Variants in MACROD2 observed in about 807,000 individuals in gnomAD.
MACROD2 encodes mono-ADP ribosylhydrolase 2.
In MACROD2, 36 loss-of-function variants were observed where a neutral mutation model predicts 70.4. The ratio of observed to expected loss-of-function variants is 0.51; its 90% CI spans 0.39 to 0.68. MACROD2 has a LOEUF of 0.68. Ranked by LOEUF, MACROD2 falls within the 30% of genes least tolerant of loss-of-function variation. The pLI is 0.00. For synonymous variants in MACROD2, 172 were observed against 178.8 expected, an observed-to-expected ratio of 0.96 and a Z score of 0.30; for missense variants, 496 against 538.4, an observed-to-expected ratio of 0.92 and a Z score of 0.78.
chr20:14,009,090 A>G (rs1314693724), intron 2 of MACROD2, among the ~76,000 whole-genome samples: 3 of 152,226 alleles, frequency 2.0e-5, no homozygotes, highest in Non-Finnish European at 4.4e-5. Context: ...GCCAAAAACA[A>G]TTGCAACAAA....
intron 3 of MACROD2, among the ~76,000 whole-genome samples, chr20:14,317,400 A>T (rs553932959): frequency 1.3e-4 from 20 of 152,198 alleles, no homozygotes; most frequent in Admixed American, 1.1e-3. Flanking sequence ...CGGGTGGATC[A>T]CGAGGTCAAG....
chr20:14,583,699 T>C (rs1981191072), intron 4 of MACROD2, among the ~76,000 whole-genome samples: 1 of 152,172 alleles, frequency 6.6e-6, no homozygotes, highest in South Asian at 2.1e-4. Flanking sequence ...GTTGAAAGGA[T>C]TAGATATAAT....
At chr20:14,057,866 C>T (rs1198536053) in intron 2 of MACROD2, among the ~76,000 whole-genome samples, 3 of 152,060 alleles carry the variant, frequency 2.0e-5, no homozygotes, top group South Asian at 2.1e-4. Context: ...ATTGCGGCCC[C>T]GTGCAACAAC....
intron 5 of MACROD2, among the ~76,000 whole-genome samples, chr20:15,126,356 G>GT (rs1400542104): frequency 1.3e-5 from 2 of 151,848 alleles, no homozygotes; most frequent in African/African-American, 4.8e-5. Context: ...AACACTTGTA[G>GT]TTTTTGCTTG....
intron 8 of MACROD2, among the ~76,000 whole-genome samples, chr20:15,513,684 G>T (rs748525092): frequency 1.1e-4 from 17 of 152,124 alleles, no homozygotes; most frequent in Admixed American, 3.3e-4. Context: ...CTCATTTTGA[G>T]GATTTAAAAT....
chr20:15,195,541 A>G (rs756217928), intron 5 of MACROD2, among the ~76,000 whole-genome samples: 3 of 152,052 alleles, frequency 2.0e-5, no homozygotes, highest in African/African-American at 7.3e-5. Flanking sequence ...ATACCATCTG[A>G]TGCCAGTCAG....
At chr20:15,733,937 TG>T (rs1459068146) in intron 8 of MACROD2, among the ~76,000 whole-genome samples, 2 of 152,132 alleles carry the variant, frequency 1.3e-5, no homozygotes, top group Non-Finnish European at 2.9e-5. Flanking sequence ...ACAATTTTTA[TG>T]GAGAGTTGTG....
At chr20:15,639,278 G>A (rs2049417115) in intron 8 of MACROD2, among the ~76,000 whole-genome samples, 1 of 152,198 alleles carries the variant, frequency 6.6e-6, no homozygotes, top group South Asian at 2.1e-4. Flanking sequence ...AAATGAAATG[G>A]TAGGGAGGGT....
chr20:14,873,549 A>G (rs1187022337), intron 5 of MACROD2, among the ~76,000 whole-genome samples: 1 of 152,132 alleles, frequency 6.6e-6, no homozygotes, highest in Non-Finnish European at 1.5e-5. Flanking sequence ...TAAACATGTA[A>G]ATAAATCAGT....
chr20:14,618,660 G>A (rs1053195815), intron 4 of MACROD2, among the ~76,000 whole-genome samples: 1 of 152,058 alleles, frequency 6.6e-6, no homozygotes, highest in Non-Finnish European at 1.5e-5. Context: ...TTCAGCGTGG[G>A]GTGCTGAAGA....
intron 3 of MACROD2, among the ~76,000 whole-genome samples, chr20:14,485,743 G>A (rs969687200): frequency 2.0e-5 from 3 of 150,604 alleles, no homozygotes; most frequent in African/African-American, 7.3e-5. Context: ...GAAAAGTATG[G>A]AAGGGAATGG....
chr20:15,372,619 A>G (rs898290722), intron 6 of MACROD2, among the ~76,000 whole-genome samples: 2 of 152,202 alleles, frequency 1.3e-5, no homozygotes, highest in Non-Finnish European at 2.9e-5. Flanking sequence ...ATGTGTTGCC[A>G]AAATACATTT....
At chr20:14,159,056 G>A (rs939083629) in intron 3 of MACROD2, among the ~76,000 whole-genome samples, 2 of 152,144 alleles carry the variant, frequency 1.3e-5, no homozygotes, top group South Asian at 2.1e-4. Context: ...GACCAACATA[G>A]TGAAACTCCA....
intron 8 of MACROD2, among the ~76,000 whole-genome samples, chr20:15,634,946 C>T (rs2049341959): frequency 6.6e-6 from 1 of 152,236 alleles, no homozygotes; most frequent in Non-Finnish European, 1.5e-5. Context: ...TGAGTATTTT[C>T]AGGTGTCTGT....
At chr20:14,345,988 G>T (rs2083059631) in intron 3 of MACROD2, among the ~76,000 whole-genome samples, 2 of 149,780 alleles carry the variant, frequency 1.3e-5, no homozygotes, top group African/African-American at 2.4e-5. Flanking sequence ...CAGCTACTTG[G>T]GAGGCTGAGG....
chr20:15,154,739 G>A (rs143483135), intron 5 of MACROD2, among the ~76,000 whole-genome samples: 2 of 152,192 alleles, frequency 1.3e-5, no homozygotes, highest in African/African-American at 4.8e-5. Context: ...CTCAGGGCTC[G>A]ATCACTTCCC....
rs111646972 is a variant in MACROD2, at chr20:16,033,316, C to A, written c.1154-7885C>A. Among the ~76,000 whole-genome samples, 538 of 152,112 alleles carry A rather than the reference C, an allele frequency of 3.5e-3. 6 individuals are homozygous for A. Among genetic ancestry groups the A allele is most frequent in the African/African-American group, 0.012 (516 of 41,506 alleles). Reference sequence around the variant, plus strand: ...AAGGAATAAAAGAAAAATACAATGCCGAAAAGCAACAGTGCTTTCTCCTCT... The same window carrying A: ...AAGGAATAAAAGAAAAATACAATGCAGAAAAGCAACAGTGCTTTCTCCTCT... On this transcript the variant is annotated intron_variant, in intron 15 of 17. Coordinates refer to ENST00000684519, the MANE Select transcript of MACROD2 (RefSeq NM_001351661.2).
At chr20:15,975,692 T>C (rs914939450) in intron 13 of MACROD2, among the ~76,000 whole-genome samples, 2 of 152,222 alleles carry the variant, frequency 1.3e-5, no homozygotes, top group African/African-American at 4.8e-5. Context: ...AAGAGAAATA[T>C]GACAACTCAC....
chr20:14,953,853 A>G (rs1322520462), intron 5 of MACROD2, among the ~76,000 whole-genome samples: 1 of 152,162 alleles, frequency 6.6e-6, no homozygotes, highest in African/African-American at 2.4e-5. Context: ...CTTGTCAGCC[A>G]ATTCATAAGG....
Sources: gnomAD v4.1 joint callset for allele counts (sites outside exome capture counted in the v4.1 genomes callset) on GRCh38, gnomAD v4.1.1 for gene constraint, MANE v1.5 for transcripts, NCBI Gene and HGNC (gene_info 2026-07-23, HGNC 2026-07-21) for gene names.